Variants in IPO7 observed in about 807,000 individuals in gnomAD.
IPO7 encodes importin 7, also known as importin-7.
Under a neutral mutation model 136.4 loss-of-function variants are expected in IPO7, and 13 were observed. The ratio of observed to expected loss-of-function variants is 0.10; its 90% CI spans 0.06 to 0.15. The LOEUF is 0.15. IPO7 is among the 10% of genes least tolerant of loss of function. The probability of loss-of-function intolerance (pLI) is 1.00; values close to 1 mark genes in which losing one functional copy is unlikely to be tolerated. For missense variants in IPO7, 857 were observed against 1,240.6 expected (o/e 0.69, Z 4.65); for synonymous variants, 403 against 404.4 (o/e 1.00, Z 0.04).
chr11:9,436,824 C>T (rs1245125480), intron 20 of IPO7, among the ~76,000 whole-genome samples: 7 of 117,542 alleles, frequency 6.0e-5, no homozygotes, highest in African/African-American at 2.3e-4. Flanking sequence ...AGGTATACAC[C>T]ACCACAACCG....
intron 16 of IPO7, 37 bp from the exon 17 acceptor site, chr11:9,433,533 G>C: frequency 7.0e-7 from 1 of 1,437,466 alleles, no homozygotes; most frequent in East Asian, 2.3e-5. Context: ...CATTTAGTAG[G>C]CTGTAACTGC....
intron 24 of IPO7, among the ~76,000 whole-genome samples, chr11:9,444,030 T>C (rs1855494280): frequency 6.6e-6 from 1 of 151,540 alleles, no homozygotes; most frequent in African/African-American, 2.4e-5. Flanking sequence ...ATCCCAGCAC[T>C]TTGGGAGGCT....
chr11:9,401,523 GATACCT>G (rs2133728714), intron 1 of IPO7, among the ~76,000 whole-genome samples: 2 of 144,298 alleles, frequency 1.4e-5, no homozygotes, highest in African/African-American at 5.2e-5. Flanking sequence ...AGCGAGACCT[GATACCT>G]AACAACAATG....
intron 1 of IPO7, among the ~76,000 whole-genome samples, chr11:9,386,250 CAA>C (rs1229440333): frequency 6.6e-6 from 1 of 152,138 alleles, no homozygotes; most frequent in African/African-American, 2.4e-5. Flanking sequence ...TTATACCACA[CAA>C]AGTGATGATT....
chr11:9,392,875 G>A (rs1854656179), intron 1 of IPO7, among the ~76,000 whole-genome samples: 1 of 151,400 alleles, frequency 6.6e-6, no homozygotes, highest in African/African-American at 2.4e-5. Flanking sequence ...CTTGAACCTG[G>A]GAGGCAGTGG....
intron 12 of IPO7, among the ~76,000 whole-genome samples, chr11:9,427,916 A>G (rs563083415): frequency 1.3e-5 from 2 of 152,326 alleles, no homozygotes; most frequent in South Asian, 2.1e-4. Context: ...GTGTTGATAT[A>G]TAAGTGTCTT....
intron 16 of IPO7, among the ~76,000 whole-genome samples, chr11:9,432,164 G>A (rs931546329): frequency 6.6e-6 from 1 of 150,690 alleles, no homozygotes; most frequent in Non-Finnish European, 1.5e-5. Flanking sequence ...CATGTTTTCT[G>A]CAAGTTGCCT....
intron 4 of IPO7, 64 bp downstream of exon 4, chr11:9,410,150 C>G: frequency 9.4e-7 from 1 of 1,067,912 alleles, no homozygotes; most frequent in Non-Finnish European, 1.3e-6. Flanking sequence ...AAATTTAAGC[C>G]AATTTGAACA....
At chr11:9,412,426 T>A (rs1337945586) in intron 4 of IPO7, among the ~76,000 whole-genome samples, 1 of 152,236 alleles carries the variant, frequency 6.6e-6, no homozygotes, top group East Asian at 1.9e-4. Flanking sequence ...TTTGATAATA[T>A]CTGTTCCAAA....
At chr11:9,403,430 G>A (rs906008997) in intron 2 of IPO7, 59 bp downstream of exon 2, 14 of 1,331,316 alleles carry the variant, frequency 1.1e-5, no homozygotes, top group Admixed American at 1.8e-5. Flanking sequence ...GTTCATAATC[G>A]AATAGCAGAA....
intron 12 of IPO7, among the ~76,000 whole-genome samples, chr11:9,427,411 C>T (rs907281280): frequency 2.6e-5 from 4 of 151,966 alleles, no homozygotes; most frequent in Admixed American, 6.6e-5. Flanking sequence ...CAGACACCTG[C>T]CACCACACCA....
At chr11:9,422,975 A>G (rs1237866781) in intron 8 of IPO7, 31 bp from the exon 9 acceptor site, 1 of 1,439,200 alleles carries the variant, frequency 6.9e-7, no homozygotes, top group South Asian at 1.5e-5. Context: ...CTATTTGAAC[A>G]TTGATTTGTG....
chr11:9,437,625 C>A, intron 20 of IPO7, 129 bp from the exon 21 acceptor site: 1 of 676,886 alleles, frequency 1.5e-6, no homozygotes, highest in Non-Finnish European at 2.5e-6. Context: ...AGTGCAGTGC[C>A]TCAGCAGTAA....
chr11:9,409,090 T>C (rs1435145550), intron 3 of IPO7, among the ~76,000 whole-genome samples: 1 of 151,186 alleles, frequency 6.6e-6, no homozygotes, highest in African/African-American at 2.4e-5. Context: ...CAACAGATGC[T>C]GTTGTAGGAG....
At chr11:9,417,407 T>C (rs1855056089) in intron 6 of IPO7, among the ~76,000 whole-genome samples, 1 of 152,166 alleles carries the variant, frequency 6.6e-6, no homozygotes, top group South Asian at 2.1e-4. Flanking sequence ...TGTTTCATCC[T>C]AAATCTTCTG....
intron 22 of IPO7, among the ~76,000 whole-genome samples, chr11:9,439,809 A>G (rs570941784): frequency 4.7e-4 from 72 of 152,058 alleles, no homozygotes; most frequent in African/African-American, 1.7e-3. Context: ...TCCTGACCTC[A>G]TGATCTGCCT....
chr11:9,442,220 C>T lies in IPO7; in HGVS notation c.3019+23C>T, dbSNP rs529648834. On this transcript the variant is annotated intron_variant, in intron 24 of 24. Transcript: ENST00000379719. ...ATGGTATGTTAATTAACTGTAACTC[C>T]TCTTTAATTAGTGACTTTTATAGGT... 10 of 1,032,478 alleles carry T rather than the reference C, an allele frequency of 9.7e-6. No homozygotes were observed. The African/African-American group carries it at 1.6e-4, about 17-fold the overall frequency. The allele number at this position is 1,032,478 out of a possible 1,614,324, so 64.0% of individuals were successfully genotyped here. A position where few individuals can be genotyped will look rare whatever the true frequency, so the allele number is the denominator to read the frequency against.
At chr11:9,436,118 A>T (rs1390316253) in intron 19 of IPO7, among the ~76,000 whole-genome samples, 153 bp from the exon 20 acceptor site, 2 of 152,224 alleles carry the variant, frequency 1.3e-5, no homozygotes, top group Admixed American at 1.3e-4. Context: ...TTAGTCTTTC[A>T]TCTGTGCAAT....
chr11:9,388,400 C>A (rs1854581868), intron 1 of IPO7, among the ~76,000 whole-genome samples: 1 of 151,888 alleles, frequency 6.6e-6, no homozygotes, highest in Non-Finnish European at 1.5e-5. Context: ...TGGTCTCCAA[C>A]TCCTGACCTT....
Sources: allele counts gnomAD v4.1 joint callset (sites outside exome capture counted in the v4.1 genomes callset), GRCh38; gene constraint gnomAD v4.1.1; transcripts MANE v1.5; gene names NCBI Gene and HGNC (gene_info 2026-07-23, HGNC 2026-07-21).